Variants in INPP4B observed in about 807,000 individuals in gnomAD.
INPP4B encodes the protein inositol polyphosphate 4-phosphatase type II.
A neutral mutation model predicts 122.5 loss-of-function variants in INPP4B; 55 were observed. That is an observed-to-expected ratio of 0.45 (90% confidence interval 0.36 to 0.56). The LOEUF (loss-of-function observed/expected upper bound fraction) is 0.56. Among genes scored for constraint, INPP4B ranks in the 20% least tolerant of loss-of-function variants. The probability of loss-of-function intolerance (pLI) is 0.00; values close to 1 mark genes in which losing one functional copy is unlikely to be tolerated. For missense variants in INPP4B, 1,000 were observed against 1,097.7 expected (o/e 0.91, Z 1.26); for synonymous variants, 403 against 388.7 (o/e 1.04, Z -0.43).
intron 12 of INPP4B, among the ~76,000 whole-genome samples, chr4:142,228,435 A>C (rs28526020): frequency 6.6e-6 from 1 of 152,072 alleles, no homozygotes; most frequent in African/African-American, 2.4e-5. Context: ...ATGAATATCC[A>C]AAGCTATCAG....
rs568043837 is a variant in INPP4B, at chr4:142,542,926, G to A, written c.-190-80200C>T. Among the ~76,000 whole-genome samples, 10 of 151,944 alleles carry A rather than the reference G, an allele frequency of 6.6e-5. No homozygotes were observed. In the East Asian group the frequency reaches 9.7e-4, roughly 15 times the overall value. Reference sequence around the variant, plus strand: ...TCTGTGTTCAAAATCAACATCAACCGGTTTGATCATGTAATGGAAAAAAGG... The same window carrying A: ...TCTGTGTTCAAAATCAACATCAACCAGTTTGATCATGTAATGGAAAAAAGG... On this transcript the variant is annotated intron_variant, in intron 2 of 25. Coordinates refer to ENST00000262992, the MANE Select transcript of INPP4B (RefSeq NM_001101669.3).
intron 25 of INPP4B, among the ~76,000 whole-genome samples, chr4:142,054,327 T>C (rs1756370284): frequency 1.3e-5 from 2 of 151,944 alleles, no homozygotes; most frequent in South Asian, 4.2e-4. Flanking sequence ...ATCTGAACAC[T>C]TTTATGTGCA....
chr4:142,581,151 C>G (rs774343469), intron 2 of INPP4B, among the ~76,000 whole-genome samples: 8 of 151,950 alleles, frequency 5.3e-5, no homozygotes, highest in African/African-American at 1.2e-4. Context: ...GAGAAAAATG[C>G]ATCAGGTTAA....
At chr4:142,262,858 G>A (rs966517301) in intron 10 of INPP4B, among the ~76,000 whole-genome samples, 1 of 152,174 alleles carries the variant, frequency 6.6e-6, no homozygotes, top group Non-Finnish European at 1.5e-5. Flanking sequence ...TTTCCTCTGA[G>A]CACTGCTGAT....
chr4:142,065,068 A>G (rs1180568172), intron 25 of INPP4B, among the ~76,000 whole-genome samples: 2 of 152,200 alleles, frequency 1.3e-5, no homozygotes, highest in Non-Finnish European at 2.9e-5. Context: ...TGAATAGTTT[A>G]TGTGATTTTA....
At chr4:142,234,338 G>A (rs970481453) in intron 12 of INPP4B, among the ~76,000 whole-genome samples, 5 of 152,164 alleles carry the variant, frequency 3.3e-5, no homozygotes, top group Non-Finnish European at 7.4e-5. Flanking sequence ...TGCTGGCTCT[G>A]TGGATTTAAT....
At position 142,127,729 on chromosome 4, in the gene INPP4B, A is replaced by G. The variant is rs187929949; in HGVS notation, c.1721-2969T>C. Among the ~76,000 whole-genome samples the G allele has an allele frequency of 1.9e-3, 297 of 152,350 alleles. 2 individuals are homozygous for G. Among genetic ancestry groups the G allele is most frequent in the African/African-American group, 6.5e-3 (269 of 41,598 alleles). On this transcript the variant is annotated intron_variant, in intron 18 of 25. Coordinates refer to ENST00000262992, the MANE Select transcript of INPP4B (RefSeq NM_001101669.3). ...GAGCAAGGTAATATGTCTTTAAAATAGTAGTAAGCCTTCTATGGAGGAACA... is the reference window on the plus strand; with the variant it reads ...GAGCAAGGTAATATGTCTTTAAAATGGTAGTAAGCCTTCTATGGAGGAACA...
intron 2 of INPP4B, among the ~76,000 whole-genome samples, chr4:142,512,834 A>G (rs1262503545): frequency 1.3e-5 from 2 of 152,164 alleles, no homozygotes; most frequent in Non-Finnish European, 2.9e-5. Context: ...TTTTCCTTGT[A>G]AAAGTAATTT....
chr4:142,649,013 G>A (rs2150524603), intron 2 of INPP4B, among the ~76,000 whole-genome samples: 3 of 152,298 alleles, frequency 2.0e-5, no homozygotes, highest in Admixed American at 2.0e-4. Flanking sequence ...GGATCAGGCA[G>A]CAATTTTTGC....
chr4:142,182,775 C>T (rs1579201474), intron 15 of INPP4B, among the ~76,000 whole-genome samples: 1 of 152,056 alleles, frequency 6.6e-6, no homozygotes, highest in Non-Finnish European at 1.5e-5. Context: ...CAATCCTGCC[C>T]AGGCTCCCTC....
chr4:142,260,880 G>C (rs752538719), intron 10 of INPP4B, among the ~76,000 whole-genome samples: 2 of 152,116 alleles, frequency 1.3e-5, no homozygotes, highest in Non-Finnish European at 2.9e-5. Flanking sequence ...TTGACAAGCT[G>C]AATCATTTTG....
chr4:142,705,639 A>G (rs184804960), intron 2 of INPP4B, among the ~76,000 whole-genome samples: 148 of 152,268 alleles, frequency 9.7e-4, no homozygotes, highest in South Asian at 1.7e-3. Context: ...TCTCTAAGGC[A>G]GAGATTGATT....
intron 7 of INPP4B, among the ~76,000 whole-genome samples, chr4:142,393,244 A>G (rs1439981263): frequency 2.0e-5 from 3 of 152,146 alleles, no homozygotes; most frequent in African/African-American, 4.8e-5. Flanking sequence ...GGGAAATTAA[A>G]AAAAAAAATT....
intron 2 of INPP4B, among the ~76,000 whole-genome samples, chr4:142,614,895 A>G (rs1349948078): frequency 2.0e-5 from 3 of 152,110 alleles, no homozygotes; most frequent in African/African-American, 7.2e-5. Flanking sequence ...AAAACAACAG[A>G]TGTTGGTGAG....
chr4:142,266,041 T>C (rs1440063543), intron 10 of INPP4B, among the ~76,000 whole-genome samples: 2 of 152,168 alleles, frequency 1.3e-5, no homozygotes, highest in African/African-American at 4.8e-5. Flanking sequence ...AAATGGGAAG[T>C]GTTTCTGCTA....
intron 21 of INPP4B, among the ~76,000 whole-genome samples, chr4:142,121,799 G>A (rs1405550379): frequency 5.3e-5 from 8 of 151,900 alleles, no homozygotes; most frequent in South Asian, 2.1e-4. Context: ...AACAACTCCC[G>A]CAAAAGTAAA....
At chr4:142,661,584 G>A (rs908531727) in intron 2 of INPP4B, among the ~76,000 whole-genome samples, 2 of 152,062 alleles carry the variant, frequency 1.3e-5, no homozygotes, top group Non-Finnish European at 2.9e-5. Context: ...TAAACACTGT[G>A]GACTTCTAAA....
chr4:142,548,367 A>C (rs1462672133), intron 2 of INPP4B, among the ~76,000 whole-genome samples: 1 of 152,198 alleles, frequency 6.6e-6, no homozygotes, highest in Non-Finnish European at 1.5e-5. Flanking sequence ...TAAACATCCA[A>C]ACAGAGACAC....
chr4:142,117,975 A>C (rs9997383), intron 21 of INPP4B, among the ~76,000 whole-genome samples: 20,130 of 152,006 alleles, frequency 0.13, 1,470 homozygotes, highest in East Asian at 0.23. Flanking sequence ...GTACAAAAAT[A>C]ACAAGCTTTA....
Sources: allele counts gnomAD v4.1 joint callset (sites outside exome capture counted in the v4.1 genomes callset), GRCh38; gene constraint gnomAD v4.1.1; transcripts MANE v1.5; gene names NCBI Gene and HGNC (gene_info 2026-07-23, HGNC 2026-07-21).